The following FUBP1 variants were observed in gnomAD, a reference collection of about 807,000 sequenced individuals.
FUBP1 encodes the protein far upstream element binding protein 1.
A neutral mutation model predicts 94.9 loss-of-function variants in FUBP1; 16 were observed. The ratio of observed to expected loss-of-function variants is 0.17; its 90% CI spans 0.11 to 0.26. FUBP1 has a LOEUF of 0.26. FUBP1 is among the 10% of genes least tolerant of loss of function. The pLI, the probability that FUBP1 is intolerant of heterozygous loss-of-function variation, is 1.00. For missense variants in FUBP1, 583 were observed against 808.6 expected (o/e 0.72, Z 3.38); for synonymous variants, 279 against 254.9 (o/e 1.09, Z -0.90).
At chr1:77,963,855 A>C (rs1655990686) in intron 12 of FUBP1, 140 bp from the exon 13 acceptor site, 1 of 736,982 alleles carries the variant, frequency 1.4e-6, no homozygotes, top group Non-Finnish European at 2.2e-6. Flanking sequence ...ATAAGTAATA[A>C]CATTTTTTAA....
At chr1:77,955,121 T>G (rs367723313) in intron 18 of FUBP1, 134 bp downstream of exon 18, 2 of 562,744 alleles carry the variant, frequency 3.6e-6, no homozygotes, top group East Asian at 3.2e-5. Context: ...AACCACAAAT[T>G]TAAAAACTAT....
intron 7 of FUBP1, among the ~76,000 whole-genome samples, chr1:77,966,368 A>T (rs938743881): frequency 1.3e-5 from 2 of 152,162 alleles, no homozygotes; most frequent in Non-Finnish European, 2.9e-5. Flanking sequence ...CAGGCAACAC[A>T]ACAGTCCACT....
intron 16 of FUBP1, 63 bp from the exon 17 acceptor site, chr1:77,956,763 A>C (rs1356873009): frequency 9.5e-6 from 12 of 1,266,136 alleles, no homozygotes; most frequent in Non-Finnish European, 1.3e-5. Context: ...ACACACACAC[A>C]CACCACCCCC....
rs1255713508 is a variant in FUBP1 at position 77,945,473 on chromosome 1, T to C, written c.*3293A>G. On this transcript the variant is annotated 3_prime_UTR_variant, in exon 20 of 20. Transcript: ENST00000370768. ...ACCATATTATGTATGGGAATACATTTCATATTTCTCAATTATGATTTGCCA... is the reference window on the plus strand; with the variant it reads ...ACCATATTATGTATGGGAATACATTCCATATTTCTCAATTATGATTTGCCA... The C allele has an allele frequency of 4.8e-6, 1 of 210,330 alleles. No individual in the cohort carries two copies. Among genetic ancestry groups the C allele is most frequent in the Non-Finnish European group, 9.7e-6 (1 of 103,488 alleles). 13.0% of individuals were successfully genotyped at this position (210,330 alleles called of 1,614,324 possible). A position where few individuals can be genotyped will look rare whatever the true frequency, so the allele number is the denominator to read the frequency against.
intron 4 of FUBP1, 59 bp downstream of exon 4, chr1:77,967,566 GTT>G (rs1317496073): frequency 2.3e-6 from 3 of 1,329,564 alleles, no homozygotes; most frequent in African/African-American, 2.9e-5. Context: ...ATGTGGTTGT[GTT>G]TTTACATACA....
At chr1:77,962,520 G>A (rs1386294013) in intron 14 of FUBP1, among the ~76,000 whole-genome samples, 4 of 152,074 alleles carry the variant, frequency 2.6e-5, no homozygotes. Flanking sequence ...CATGCCTACA[G>A]GTAACACTAC....
chr1:77,974,628 AT>A (rs1200682908), intron 1 of FUBP1, among the ~76,000 whole-genome samples: 3 of 152,208 alleles, frequency 2.0e-5, no homozygotes, highest in Non-Finnish European at 4.4e-5. Context: ...GTGAACCACT[AT>A]GCCCAGTCTT....
rs1652410145 is a variant in FUBP1, at chr1:77,947,533, C to G, written c.*1233G>C. On this transcript the variant is annotated 3_prime_UTR_variant, in exon 20 of 20. Transcript: ENST00000370768. ...TCACCCCTACAGAGCTAGTTCTATA[C>G]TGGCTGGATCAAACCTGCACTTCAA... 1 of 1,353,010 alleles carries G rather than the reference C, an allele frequency of 7.4e-7. No individual in the cohort carries two copies. The highest frequency in any genetic ancestry group is 9.7e-7 in the Non-Finnish European group (1 of 1,027,070). The allele number at this position is 1,353,010 out of a possible 1,614,324, so 83.8% of individuals were successfully genotyped here.
At chr1:77,948,879 T>A (rs1652756585) in intron 19 of FUBP1, 105 bp from the exon 20 acceptor site, 10 of 1,481,010 alleles carry the variant, frequency 6.8e-6, no homozygotes, top group Non-Finnish European at 9.3e-6. Context: ...GTGGTTAATA[T>A]AAATGGTGGT....
chr1:77,974,785 G>A (rs12409561), intron 1 of FUBP1, among the ~76,000 whole-genome samples: 16,084 of 152,158 alleles, frequency 0.11, 986 homozygotes, highest in Admixed American at 0.19. Context: ...TTCTTGGAAT[G>A]TATCCTCCGA....
intron 18 of FUBP1, among the ~76,000 whole-genome samples, chr1:77,951,631 G>A (rs917097787): frequency 6.6e-6 from 1 of 152,142 alleles, no homozygotes; most frequent in Non-Finnish European, 1.5e-5. Context: ...CTTAGTTACT[G>A]TTTGATGCCA....
chr1:77,977,000 G>A (rs1658724539), intron 1 of FUBP1, among the ~76,000 whole-genome samples: 1 of 152,114 alleles, frequency 6.6e-6, no homozygotes, highest in Admixed American at 6.5e-5. Flanking sequence ...ATTTTATAAT[G>A]TCTTGCTCAT....
Position 77,968,160 on chromosome 1 carries a change from C to T in FUBP1, c.250+5G>A. ...CTTTTGACCCAGTTTAAAAGGAATACTTACAGTCATTTTGAGGAGCAACTT... is the reference window on the plus strand; with the variant it reads ...CTTTTGACCCAGTTTAAAAGGAATATTTACAGTCATTTTGAGGAGCAACTT... On this transcript the variant is annotated splice_donor_5th_base_variant and intron_variant, in intron 3 of 19. Coordinates refer to ENST00000370768, the MANE Select transcript of FUBP1 (RefSeq NM_003902.5). The T allele has an allele frequency of 6.6e-7, 1 of 1,514,334 alleles. No homozygotes were observed. The highest frequency in any genetic ancestry group is 8.9e-7 in the Non-Finnish European group (1 of 1,128,498). The allele number at this position is 1,514,334 out of a possible 1,614,324, so 93.8% of individuals were successfully genotyped here.
Position 77,947,121 on chromosome 1 carries a change from T to C in FUBP1, c.*1645A>G. On this transcript the variant is annotated 3_prime_UTR_variant, in exon 20 of 20. Coordinates refer to ENST00000370768, the MANE Select transcript of FUBP1 (RefSeq NM_003902.5). ...CCTTCTGTCTGATACATTTCAAGAC[T>C]TTCATATTAAATATAGAAGATATGC... The C allele has an allele frequency of 4.9e-6, 1 of 206,164 alleles. No individual in the cohort carries two copies. The highest frequency in any genetic ancestry group is 9.9e-6 in the Non-Finnish European group (1 of 100,800). 12.8% of individuals were successfully genotyped at this position (206,164 alleles called of 1,614,324 possible).
intron 18 of FUBP1, among the ~76,000 whole-genome samples, 196 bp from the exon 19 acceptor site, chr1:77,949,496 G>T (rs992194940): frequency 2.0e-5 from 3 of 149,486 alleles, no homozygotes; most frequent in African/African-American, 7.4e-5. Context: ...CAGGTTATAA[G>T]ACAAAAGCAC....
In FUBP1 at chr1:77,964,502, A is replaced by T. The variant is rs1327105361; in HGVS notation, c.837+144T>A. On this transcript the variant is annotated intron_variant, in intron 10 of 19. Transcript: ENST00000370768. ...TTCTATATTTATAGTAAATAGGGTA[A>T]CAAGATATATAGAATTCTGTATTCT... is the stretch of plus-strand genomic sequence containing the variant. 3.3e-5 allele frequency: 22 copies of T among 666,032 alleles called. No individual in the cohort carries two copies. The South Asian group carries it at 4.3e-4, about 13-fold the overall frequency. 41.3% of individuals were successfully genotyped at this position (666,032 alleles called of 1,614,324 possible). A position where few individuals can be genotyped will look rare whatever the true frequency, so the allele number is the denominator to read the frequency against.
At chr1:77,976,893 T>C (rs949928219) in intron 1 of FUBP1, among the ~76,000 whole-genome samples, 1 of 152,138 alleles carries the variant, frequency 6.6e-6, no homozygotes, top group Admixed American at 6.6e-5. Flanking sequence ...CCCACCCCCA[T>C]CTTCTAGCGA....
chr1:77,944,353 A>C lies in FUBP1; in HGVS notation c.*4413T>G, dbSNP rs1255771238. On this transcript the variant is annotated 3_prime_UTR_variant, in exon 20 of 20. Transcript: ENST00000370768. ...ATATATATATGCGCAAATACATTTA[A>C]GAGTTTCTATAGGGGTATCACTGAA... 1.0e-5 allele frequency: 2 copies of C among 197,992 alleles called. No individual in the cohort carries two copies. Among genetic ancestry groups the C allele is most frequent in the Non-Finnish European group, 2.1e-5 (2 of 95,352 alleles). 12.3% of individuals were successfully genotyped at this position (197,992 alleles called of 1,614,324 possible). A position where few individuals can be genotyped will look rare whatever the true frequency, so the allele number is the denominator to read the frequency against.
intron 18 of FUBP1, among the ~76,000 whole-genome samples, chr1:77,953,495 A>C (rs961815357): frequency 2.0e-5 from 3 of 151,980 alleles, no homozygotes; most frequent in African/African-American, 7.3e-5. Flanking sequence ...TCTCAAATAA[A>C]TAAATAAATA....
Sources: gnomAD v4.1 joint callset for allele counts (sites outside exome capture counted in the v4.1 genomes callset) on GRCh38, gnomAD v4.1.1 for gene constraint, MANE v1.5 for transcripts, NCBI Gene and HGNC (gene_info 2026-07-23, HGNC 2026-07-21) for gene names.